Variants in RASGRF1 observed in about 807,000 individuals in gnomAD.
RASGRF1 encodes the protein ras-specific guanine nucleotide-releasing factor 1.
RASGRF1 carries 40 observed loss-of-function variants against 138.7 expected under a neutral mutation model. The observed-to-expected ratio is 0.29, with a 90% confidence interval of 0.22 to 0.38. The LOEUF is 0.38. Among genes scored for constraint, RASGRF1 ranks in the 10% least tolerant of loss-of-function variants. The pLI is 1.00. For missense variants in RASGRF1, 1,108 were observed against 1,650.4 expected, an observed-to-expected ratio of 0.67 and a Z score of 5.69; for synonymous variants, 614 against 663.2, an observed-to-expected ratio of 0.93 and a Z score of 1.14.
rs1278689342 is a variant in RASGRF1, at chr15:79,045,880, C to G, written c.878+866G>C. ...TTGAGATTAGTGAAAGGACTGAATG[C>G]TGAATATTTGAAAAGAAATGTAGTT... On this transcript the variant is annotated intron_variant, in intron 5 of 26. Transcript: ENST00000558480. Among the ~76,000 whole-genome samples, 19 of 152,182 alleles carry G rather than the reference C, an allele frequency of 1.2e-4. 1 individual carries two copies. Among genetic ancestry groups the G allele is most frequent in the Admixed American group, 1.2e-3 (19 of 15,276 alleles).
chr15:79,064,975 C>T (rs796657454), intron 1 of RASGRF1, among the ~76,000 whole-genome samples: 11 of 152,312 alleles, frequency 7.2e-5, no homozygotes, highest in African/African-American at 2.6e-4. Context: ...GACACGGTCC[C>T]TGTAAGAGCC....
intron 1 of RASGRF1, among the ~76,000 whole-genome samples, chr15:79,071,060 G>C (rs1489765317): frequency 6.6e-6 from 1 of 152,242 alleles, no homozygotes; most frequent in African/African-American, 2.4e-5. Context: ...CTCAGGCTGG[G>C]CTGCCGATGC....
chr15:78,967,167 G>A (rs945022567), intron 26 of RASGRF1, among the ~76,000 whole-genome samples: 37 of 151,910 alleles, frequency 2.4e-4, no homozygotes, highest in African/African-American at 8.2e-4. Context: ...ACCTTAAGCC[G>A]GGGAAGTTGA....
At chr15:79,003,683 A>C in intron 15 of RASGRF1, 119 bp downstream of exon 15, 1 of 1,446,716 alleles carries the variant, frequency 6.9e-7, no homozygotes, top group Non-Finnish European at 9.2e-7. Flanking sequence ...GGGACCCCCA[A>C]GCCTCTCCCT....
At chr15:79,084,367 G>C (rs1161317570) in intron 1 of RASGRF1, among the ~76,000 whole-genome samples, 1 of 152,232 alleles carries the variant, frequency 6.6e-6, no homozygotes, top group African/African-American at 2.4e-5. Flanking sequence ...TCTTGAAGAA[G>C]TGCAAGCAAA....
At position 79,012,544 on chromosome 15, in the gene RASGRF1, G is replaced by C. The variant is rs776386997; in HGVS notation, c.1826+2783C>G. 1.9e-6 allele frequency: 3 copies of C among 1,614,060 alleles called. No individual in the cohort carries two copies. In the South Asian group the frequency reaches 3.3e-5, roughly 18 times the overall value. ...CTGGTCCTCCTGTGAAGAAAACCAGGCTTTAGATTGGTAAGCAGATGGGTC... is the reference window on the plus strand; with the variant it reads ...CTGGTCCTCCTGTGAAGAAAACCAGCCTTTAGATTGGTAAGCAGATGGGTC... On this transcript the variant is annotated intron_variant, in intron 13 of 26. Transcript: ENST00000558480.
At chr15:79,030,336 C>T (rs978903153) in intron 8 of RASGRF1, among the ~76,000 whole-genome samples, 1 of 152,164 alleles carries the variant, frequency 6.6e-6, no homozygotes, top group Non-Finnish European at 1.5e-5. Context: ...CTAGTTCTGA[C>T]CACAAGGCCC....
chr15:79,058,602 C>G (rs1202237751), intron 2 of RASGRF1, 121 bp from the exon 3 acceptor site: 56 of 1,277,298 alleles, frequency 4.4e-5, no homozygotes, highest in Non-Finnish European at 5.6e-5. Flanking sequence ...GGCCCTGACT[C>G]CCAGCACCCT....
At chr15:79,033,955 G>A (rs2057182651) in intron 6 of RASGRF1, among the ~76,000 whole-genome samples, 2 of 152,138 alleles carry the variant, frequency 1.3e-5, no homozygotes, top group Admixed American at 1.3e-4. Context: ...AACTTTAGAG[G>A]GTAGCTCATG....
intron 6 of RASGRF1, among the ~76,000 whole-genome samples, chr15:79,034,284 A>C (rs2057187397): frequency 6.6e-6 from 1 of 152,172 alleles, no homozygotes; most frequent in Non-Finnish European, 1.5e-5. Context: ...CAAATTAAGA[A>C]AGTGAAAAAA....
chr15:78,971,732 G>T, intron 26 of RASGRF1, 134 bp downstream of exon 26: 1 of 802,356 alleles, frequency 1.2e-6, no homozygotes, highest in Non-Finnish European at 2.1e-6. Context: ...CTTCCTTACA[G>T]GGATGGCATT....
intron 22 of RASGRF1, among the ~76,000 whole-genome samples, chr15:78,988,780 C>G (rs531020851): frequency 1.3e-5 from 2 of 151,540 alleles, no homozygotes; most frequent in South Asian, 4.2e-4. Context: ...GGGAGTGGAC[C>G]CGGCTCTGTG....
chr15:79,040,522 C>T (rs553346584), intron 5 of RASGRF1, among the ~76,000 whole-genome samples: 4 of 152,340 alleles, frequency 2.6e-5, no homozygotes, highest in Non-Finnish European at 5.9e-5. Context: ...TGCCCTCTTA[C>T]CATTCTGGCC....
intron 10 of RASGRF1, among the ~76,000 whole-genome samples, chr15:79,023,481 G>A (rs2140985301): frequency 6.6e-6 from 1 of 152,298 alleles, no homozygotes; most frequent in African/African-American, 2.4e-5. Context: ...GTAGTGGGCT[G>A]TGTCGGGGGA....
rs1388305625 is a variant in RASGRF1, at chr15:79,027,745, T to C, written c.1377A>G (p.Arg459=). ...GACAGGGTGCAGAGGCCATACCTTGTCTCACAAAGGTCTGGCTGGTGTCCA... is the reference window on the plus strand; with the variant it reads ...GACAGGGTGCAGAGGCCATACCTTGCCTCACAAAGGTCTGGCTGGTGTCCA... ...ILLDTSQTFV[R]QGSLIQVPMS... Residue 459 remains arginine (R), a synonymous_variant, in exon 9 of 27, where the codon AGA becomes AGG. Coordinates refer to ENST00000558480, the MANE Select transcript of RASGRF1 (RefSeq NM_001145648.3). The surrounding 1 kb of genome is among the most constrained non-coding windows in gnomAD (Gnocchi z 4.8). 5 of 1,614,036 alleles carry C rather than the reference T, an allele frequency of 3.1e-6. No individual in the cohort carries two copies. The highest frequency in any genetic ancestry group is 2.7e-5 in the African/African-American group (2 of 75,052).
At chr15:78,984,296 G>C (rs1000313704) in intron 23 of RASGRF1, among the ~76,000 whole-genome samples, 2 of 152,126 alleles carry the variant, frequency 1.3e-5, no homozygotes, top group African/African-American at 4.8e-5. Context: ...ATGCAGGCTG[G>C]GGTGGGGGCA....
rs2056121427 is a variant in RASGRF1, at chr15:78,985,071, G to A, written c.3350C>T (p.Thr1117Ile). 1.9e-6 allele frequency: 3 copies of A among 1,613,964 alleles called. No individual in the cohort carries two copies. Among genetic ancestry groups the A allele is most frequent in the Admixed American group, 3.3e-5 (2 of 59,988 alleles). Residue 1117 changes from threonine (T) to isoleucine (I), a missense_variant, in exon 23 of 27, where the codon ACC (threonine) becomes ATC (isoleucine). Coordinates refer to ENST00000558480, the MANE Select transcript of RASGRF1 (RefSeq NM_001145648.3). ...LHNYNAVLEI[T>I]SSMNRSAIFR... ...GATTGCACTGCGGTTCATGGACGAG[G>A]TGATCTCCAGTACGGCATTGTAGTT...
At chr15:78,975,960 C>A (rs2055862080) in intron 24 of RASGRF1, among the ~76,000 whole-genome samples, 1 of 152,122 alleles carries the variant, frequency 6.6e-6, no homozygotes, top group African/African-American at 2.4e-5. Context: ...CTGAGAGGTG[C>A]TCTCCCCCTT....
chr15:78,994,444 A>T (rs926316025), intron 20 of RASGRF1, among the ~76,000 whole-genome samples: 2 of 152,228 alleles, frequency 1.3e-5, no homozygotes, highest in African/African-American at 4.8e-5. Context: ...GGCTACTTCC[A>T]ACAGACTGAA....
Sources: allele counts gnomAD v4.1 joint callset (sites outside exome capture counted in the v4.1 genomes callset), GRCh38; gene constraint gnomAD v4.1.1; non-coding constraint Gnocchi (gnomAD v3.1); transcripts MANE v1.5; gene names NCBI Gene and HGNC (gene_info 2026-07-23, HGNC 2026-07-21).